NDUFA10: variants seen among roughly 807,000 people sequenced by gnomAD.
The protein encoded by NDUFA10 is NADH:ubiquinone oxidoreductase subunit A10, also known as NADH dehydrogenase [ubiquinone] 1 alpha subcomplex subunit 10, mitochondrial.
NDUFA10 carries 40 observed loss-of-function variants against 47.8 expected under a neutral mutation model. The ratio of observed to expected loss-of-function variants is 0.84; its 90% CI spans 0.65 to 1.09. NDUFA10 has a LOEUF of 1.09. Among genes scored for constraint, NDUFA10 ranks in the 50% least tolerant of loss-of-function variants. NDUFA10 has a pLI of 0.00. For synonymous variants in NDUFA10, 183 were observed against 172.2 expected, an observed-to-expected ratio of 1.06 and a Z score of -0.49; for missense variants, 413 against 451.1, an observed-to-expected ratio of 0.92 and a Z score of 0.76.
At chr2:239,907,919 A>G (rs561399744) in intron 4 of NDUFA10, among the ~76,000 whole-genome samples, 30 of 152,312 alleles carry the variant, frequency 2.0e-4, no homozygotes, top group African/African-American at 7.0e-4. Flanking sequence ...AGGAATATAA[A>G]TCGTGCTGCT....
intron 6 of NDUFA10, among the ~76,000 whole-genome samples, chr2:240,008,944 G>A (rs1697043446): frequency 6.6e-6 from 1 of 152,180 alleles, no homozygotes; most frequent in South Asian, 2.1e-4. Flanking sequence ...CATTCCCACT[G>A]CCTTGTGAAA....
intron 4 of NDUFA10, among the ~76,000 whole-genome samples, chr2:239,910,532 T>A (rs1693732845): frequency 6.6e-6 from 1 of 151,802 alleles, no homozygotes; most frequent in South Asian, 2.1e-4. Context: ...CACGGACACA[T>A]CGGGGGAACA....
intron 9 of NDUFA10, among the ~76,000 whole-genome samples, chr2:239,961,898 G>C (rs7593079): frequency 0.58 from 87,566 of 151,972 alleles, 25,401 homozygotes; most frequent in Admixed American, 0.61. Context: ...GATGTTACAG[G>C]CCCCACTTCT....
chr2:239,956,523 A>G (rs958191021), downstream of NDUFA10, among the ~76,000 whole-genome samples: 1 of 152,190 alleles, frequency 6.6e-6, no homozygotes, highest in African/African-American at 2.4e-5. Flanking sequence ...TGCAATACTG[A>G]GAGGAGGAAA....
chr2:240,015,698 G>C (rs1443962969), intron 4 of NDUFA10, among the ~76,000 whole-genome samples: 1 of 142,754 alleles, frequency 7.0e-6, no homozygotes, highest in Non-Finnish European at 1.5e-5. Context: ...ACCTGCACAT[G>C]CTCATGCACA....
At chr2:239,954,144 C>T (rs1263414505), downstream of NDUFA10, among the ~76,000 whole-genome samples, 2 of 148,938 alleles carry the variant, frequency 1.3e-5, no homozygotes, top group African/African-American at 2.5e-5. Flanking sequence ...GAGTGGGTTC[C>T]CCCGACGGTC....
intron 4 of NDUFA10, among the ~76,000 whole-genome samples, chr2:239,927,682 TCA>T (rs1264875893): frequency 6.6e-6 from 1 of 152,016 alleles, no homozygotes; most frequent in Non-Finnish European, 1.5e-5. Context: ...AATGACAAAA[TCA>T]CAGAGCTGCA....
chr2:239,920,707 C>T (rs536072121), intron 4 of NDUFA10, among the ~76,000 whole-genome samples: 8 of 152,318 alleles, frequency 5.3e-5, no homozygotes, highest in Admixed American at 2.0e-4. Flanking sequence ...AAGGGAGGGG[C>T]TCCCAGGCCT....
rs1574807995 is a variant in NDUFA10, at chr2:239,958,360, G to C, written c.*2758C>G. ...AGCTATAATTGGTAAGCAGGGCACA[G>C]AGAAATTCAAAGCCAATTATTAGCC... On this transcript the variant is annotated 3_prime_UTR_variant, in exon 10 of 10. Coordinates refer to ENST00000252711, the MANE Select transcript of NDUFA10 (RefSeq NM_004544.4). 6.6e-6 allele frequency: 1 copy of C among 152,234 alleles called. No individual in the cohort carries two copies. The highest frequency in any genetic ancestry group is 1.9e-4 in the East Asian group (1 of 5,198). 9.4% of individuals were successfully genotyped at this position (152,234 alleles called of 1,614,324 possible). A position where few individuals can be genotyped will look rare whatever the true frequency, so the allele number is the denominator to read the frequency against.
chr2:239,990,832 T>A (rs1696215202), intron 8 of NDUFA10, among the ~76,000 whole-genome samples: 1 of 152,226 alleles, frequency 6.6e-6, no homozygotes, highest in Admixed American at 6.5e-5. Context: ...ACAATTTGCT[T>A]ATTTTAAATT....
At chr2:239,909,709 A>C (rs1040381912) in intron 4 of NDUFA10, among the ~76,000 whole-genome samples, 2 of 152,220 alleles carry the variant, frequency 1.3e-5, no homozygotes, top group African/African-American at 4.8e-5. Flanking sequence ...TGATAAAAAA[A>C]TGCCAAAAGC....
At chr2:239,895,154 A>C in intron 5 of NDUFA10, 1 of 391,452 alleles carries the variant, frequency 2.6e-6, no homozygotes, top group African/African-American at 2.1e-5. Context: ...AGTCCACGTC[A>C]CATCCTCCCT....
chr2:239,995,770 G>A (rs1476254456), intron 8 of NDUFA10, among the ~76,000 whole-genome samples: 2 of 152,182 alleles, frequency 1.3e-5, no homozygotes, highest in Non-Finnish European at 2.9e-5. Context: ...CACACTAATT[G>A]AAAGCTGCAG....
intron 4 of NDUFA10, among the ~76,000 whole-genome samples, chr2:239,950,139 T>A (rs1694527042): frequency 6.6e-6 from 1 of 152,132 alleles, no homozygotes; most frequent in African/African-American, 2.4e-5. Context: ...TGGCAGAGAT[T>A]TAGAAAGGTT....
rs533179393 is a variant in NDUFA10 at position 240,008,582 on chromosome 2, A to G, written c.750-1212T>C. 4.6e-5 allele frequency among the ~76,000 whole-genome samples: 7 copies of G among 152,384 alleles called. No homozygotes were observed. In the South Asian group the frequency reaches 8.3e-4, roughly 18 times the overall value. ...GAGGTCTTAAACATCCCTGATGAACAGGGCTGGCACAGAAACATTATTTGT... is the reference window on the plus strand; with the variant it reads ...GAGGTCTTAAACATCCCTGATGAACGGGGCTGGCACAGAAACATTATTTGT... On this transcript the variant is annotated intron_variant, in intron 6 of 9. Coordinates refer to ENST00000252711, the MANE Select transcript of NDUFA10 (RefSeq NM_004544.4).
Position 239,960,221 on chromosome 2 carries a change from T to C in NDUFA10, c.*897A>G, listed in dbSNP as rs1694794624. 1.0e-6 allele frequency: 1 copy of C among 985,374 alleles called. No individual in the cohort carries two copies. The highest frequency in any genetic ancestry group is 1.2e-6 in the Non-Finnish European group (1 of 830,002). The allele number at this position is 985,374 out of a possible 1,614,324, so 61.0% of individuals were successfully genotyped here. A position where few individuals can be genotyped will look rare whatever the true frequency, so the allele number is the denominator to read the frequency against. ...TTACAGTGGAAAACCCACAGTTCAG[T>C]AGGACTCACAACTGACAGCTTGATT... On this transcript the variant is annotated 3_prime_UTR_variant, in exon 10 of 10. Coordinates refer to ENST00000252711, the MANE Select transcript of NDUFA10 (RefSeq NM_004544.4).
chr2:239,975,930 G>C (rs1350579983), intron 9 of NDUFA10, among the ~76,000 whole-genome samples: 1 of 152,170 alleles, frequency 6.6e-6, no homozygotes, highest in African/African-American at 2.4e-5. Context: ...CCAGGAAAAT[G>C]TCATCTTAAC....
At chr2:239,916,657 C>T (rs1383868811) in intron 4 of NDUFA10, among the ~76,000 whole-genome samples, 1 of 152,262 alleles carries the variant, frequency 6.6e-6, no homozygotes, top group African/African-American at 2.4e-5. Context: ...AGTCCAGGGT[C>T]CAGGCACCAG....
chr2:239,995,248 G>C (rs995840851), intron 8 of NDUFA10, among the ~76,000 whole-genome samples: 1 of 151,972 alleles, frequency 6.6e-6, no homozygotes, highest in Non-Finnish European at 1.5e-5. Flanking sequence ...CAGCCTGGGC[G>C]ATGGGCAACA....
Sources: gnomAD v4.1 joint callset for allele counts (sites outside exome capture counted in the v4.1 genomes callset) on GRCh38, gnomAD v4.1.1 for gene constraint, MANE v1.5 for transcripts, NCBI Gene and HGNC (gene_info 2026-07-23, HGNC 2026-07-21) for gene names.